CATSPERD: variants seen among roughly 807,000 people sequenced by gnomAD.
CATSPERD encodes catsper channel auxiliary subunit delta.
Under a neutral mutation model 98.1 loss-of-function variants are expected in CATSPERD, and 86 were observed. The ratio of observed to expected loss-of-function variants is 0.88; its 90% confidence interval spans 0.74 to 1.05. CATSPERD has a LOEUF of 1.05. CATSPERD is among the 50% of genes least tolerant of loss of function. The probability of loss-of-function intolerance (pLI) is 0.00; values close to 1 mark genes in which losing one functional copy is unlikely to be tolerated. For synonymous variants in CATSPERD, 394 were observed against 390.2 expected (o/e 1.01, Z -0.12); for missense variants, 995 against 1,005.7 (o/e 0.99, Z 0.14).
At chr19:5,722,382 A>G (rs887683349) in intron 1 of CATSPERD, among the ~76,000 whole-genome samples, 2 of 152,126 alleles carry the variant, frequency 1.3e-5, no homozygotes, top group African/African-American at 4.8e-5. Context: ...CGGCCTCCCA[A>G]CGTGCTGGGC....
intron 9 of CATSPERD, 93 bp downstream of exon 9, chr19:5,746,156 C>A: frequency 7.5e-7 from 1 of 1,324,504 alleles, no homozygotes; most frequent in Non-Finnish European, 1.1e-6. Context: ...AAGGAGCAAC[C>A]CCTCGACCAC....
chr19:5,742,325 T>C (rs1386065287), intron 7 of CATSPERD, among the ~76,000 whole-genome samples: 2 of 123,960 alleles, frequency 1.6e-5, no homozygotes, highest in Non-Finnish European at 3.8e-5. Context: ...TGGGTGTGCG[T>C]GTGCATGTGT....
rs527796326 is a variant in CATSPERD at position 5,748,728 on chromosome 19, CTTTTTT to C, written c.905-358_905-353del. Among the ~76,000 whole-genome samples the C allele has an allele frequency of 1.1e-4, 10 of 94,106 alleles. 1 individual carries two copies. The highest frequency in any genetic ancestry group is 3.8e-4 in the African/African-American group (9 of 23,492). 61.7% of individuals were successfully genotyped at this position (94,106 alleles called of 152,430 possible). A position where few individuals can be genotyped will look rare whatever the true frequency, so the allele number is the denominator to read the frequency against. ...ACCAGAAAATAGCTGTCATATTATTCTTTTTTTTTTTTTTTTTTTTGAGATGGAGTT... is the reference window on the plus strand; with the variant it reads ...ACCAGAAAATAGCTGTCATATTATTCTTTTTTTTTTTTTTGAGATGGAGTT... On this transcript the variant is annotated intron_variant, in intron 10 of 21. Transcript: ENST00000381624.
At chr19:5,736,061 G>T (rs891177475) in intron 5 of CATSPERD, among the ~76,000 whole-genome samples, 2 of 151,842 alleles carry the variant, frequency 1.3e-5, no homozygotes, top group African/African-American at 4.8e-5. Context: ...ACAGGCATAA[G>T]CCACTGTGCC....
chr19:5,767,308 C>G (rs1458097679), intron 17 of CATSPERD, among the ~76,000 whole-genome samples: 1 of 81,212 alleles, frequency 1.2e-5, no homozygotes, highest in East Asian at 3.5e-4. Context: ...CAGAGCGAGA[C>G]TCTGTCTCAA....
At chr19:5,749,031 C>T in intron 10 of CATSPERD, 70 bp from the exon 11 acceptor site, 2 of 1,369,386 alleles carry the variant, frequency 1.5e-6, no homozygotes, top group Non-Finnish European at 2.1e-6. Flanking sequence ...CACCCAACCA[C>T]ACTTATGTTT....
intron 7 of CATSPERD, among the ~76,000 whole-genome samples, chr19:5,742,230 G>A (rs976833348): frequency 2.0e-4 from 30 of 151,188 alleles, no homozygotes; most frequent in Middle Eastern, 3.5e-3. Context: ...ATGTGTGTGC[G>A]TGTGTGTACG....
At chr19:5,768,129 G>C (rs899794274) in intron 17 of CATSPERD, 39 bp from the exon 18 acceptor site, 2 of 1,583,756 alleles carry the variant, frequency 1.3e-6, no homozygotes, top group Non-Finnish European at 1.7e-6. Flanking sequence ...GGTTCTTTGT[G>C]AGGTCATGCC....
At chr19:5,763,716 C>A (rs952426061) in intron 16 of CATSPERD, among the ~76,000 whole-genome samples, 2 of 151,670 alleles carry the variant, frequency 1.3e-5, no homozygotes, top group Admixed American at 6.6e-5. Flanking sequence ...AACTTTTGAT[C>A]TTGGATGATC....
chr19:5,743,363 C>T (rs1303593207), intron 7 of CATSPERD, among the ~76,000 whole-genome samples: 1 of 151,124 alleles, frequency 6.6e-6, no homozygotes, highest in Non-Finnish European at 1.5e-5. Flanking sequence ...TTTGGGAGGC[C>T]GAGGTGGGCG....
chr19:5,743,260 AC>A (rs2056023909), intron 7 of CATSPERD, among the ~76,000 whole-genome samples: 1 of 151,550 alleles, frequency 6.6e-6, no homozygotes, highest in Non-Finnish European at 1.5e-5. Context: ...CTGAGATCAC[AC>A]CATTGCACTC....
Position 5,772,798 on chromosome 19 carries a change from G to T in CATSPERD, c.1774G>T (p.Asp592Tyr). The T allele has an allele frequency of 1.2e-6, 2 of 1,613,760 alleles. No homozygotes were observed. Among genetic ancestry groups the T allele is most frequent in the Middle Eastern group, 1.7e-4 (1 of 6,056 alleles). Residue 592 changes from aspartate (D) to tyrosine (Y), a missense_variant, in exon 20 of 22, where the codon GAC (aspartate) becomes TAC (tyrosine). Around this residue, in one of 3 missense-constraint regions of CATSPERD, gnomAD observed 762 missense variants for 773.7 expected, o/e 0.98. Transcript: ENST00000381624. ...WKPVVELWRK[D>Y]SFQEVIDAEY... is the part of the protein sequence containing the mutation. ...GTGCCTGTGTCCTAGGTGGCGAAAA[G>T]ACAGTTTCCAGGAGGTCATCGACGC...
Position 5,758,064 on chromosome 19 carries a change from T to C in CATSPERD, c.1368+132T>C, listed in dbSNP as rs2056360845. On this transcript the variant is annotated intron_variant, in intron 14 of 21. Transcript: ENST00000381624. Reference sequence around the variant, plus strand: ...GTGGCCGTGCCCCGCGGTGGGAAGATGATCAGGCAGCCGTCAACCACACGC... The same window carrying C: ...GTGGCCGTGCCCCGCGGTGGGAAGACGATCAGGCAGCCGTCAACCACACGC... 8.9e-6 allele frequency: 6 copies of C among 671,704 alleles called. No individual in the cohort carries two copies. In the East Asian group the frequency reaches 1.8e-4, roughly 21 times the overall value. 41.6% of individuals were successfully genotyped at this position (671,704 alleles called of 1,614,324 possible). A position where few individuals can be genotyped will look rare whatever the true frequency, so the allele number is the denominator to read the frequency against.
At chr19:5,763,705 G>A (rs2056484852) in intron 16 of CATSPERD, among the ~76,000 whole-genome samples, 2 of 151,966 alleles carry the variant, frequency 1.3e-5, no homozygotes, top group Admixed American at 1.3e-4. Context: ...GGCTGGTCTT[G>A]AACTTTTGAT....
At position 5,773,582 on chromosome 19, in the gene CATSPERD, G is replaced by A. The variant is rs142804763; in HGVS notation, c.1941+617G>A. Among the ~76,000 whole-genome samples the A allele has an allele frequency of 1.9e-3, 284 of 152,098 alleles. 1 individual carries two copies. The highest frequency in any genetic ancestry group is 6.7e-3 in the African/African-American group (276 of 41,468). ...TCTGTCTCCCAGGCTGGAGTGCAGT[G>A]GTGCAATCTCAGCTCACTGAAGACT... is the stretch of plus-strand genomic sequence containing the variant. On this transcript the variant is annotated intron_variant, in intron 20 of 21. Transcript: ENST00000381624.
chr19:5,768,235 A>G lies in CATSPERD; in HGVS notation c.1627A>G (p.Ile543Val). 6.2e-7 allele frequency: 1 copy of G among 1,612,956 alleles called. No individual in the cohort carries two copies. Among genetic ancestry groups the G allele is most frequent in the Non-Finnish European group, 8.5e-7 (1 of 1,179,174 alleles). ...LTLQDNYSFIIEKEFYDPGFQ... is the reference protein window; with the variant it reads ...LTLQDNYSFIVEKEFYDPGFQ... The stretch of plus-strand genomic sequence containing the variant: ...CCTGCAAGACAATTACAGCTTCATC[A>G]TCGAGAAGTAAGCCAGCGTCCCCCC... The change falls in exon 18 of 22, where the codon ATC becomes GTC. Residue 543 changes from isoleucine (I) to valine (V), a missense_variant. Physicochemically the swap from Ile to Val is conservative, Grantham distance 29. Around this residue, in one of 3 missense-constraint regions of CATSPERD, gnomAD observed 762 missense variants for 773.7 expected, o/e 0.98. Transcript: ENST00000381624.
In CATSPERD at chr19:5,759,114, G is replaced by A; in HGVS notation, c.1397G>A (p.Trp466Ter). The A allele has an allele frequency of 6.2e-7, 1 of 1,613,808 alleles. No individual in the cohort carries two copies. Among genetic ancestry groups the A allele is most frequent in the African/African-American group, 1.3e-5 (1 of 74,976 alleles). Residue 466 changes from tryptophan to a stop codon, truncating the protein, a stop_gained, in exon 15 of 22, where the codon TGG becomes TAG. Transcript: ENST00000381624. LOFTEE classifies it high-confidence loss of function. The part of the protein sequence containing the change: ...LDIFLKQQQH[W>*]GRTDSNFTSS... ...ATTTTCCTAAAACAGCAGCAGCACT[G>A]GGGCAGGACCGACTCCAACTTCACT...
chr19:5,745,833 ACTC>A (rs2056082081), intron 8 of CATSPERD, 77 bp from the exon 9 acceptor site: 1 of 1,434,216 alleles, frequency 7.0e-7, no homozygotes, highest in African/African-American at 1.4e-5. Flanking sequence ...TGCTAGCCAG[ACTC>A]CTCTTCCCTC....
chr19:5,762,058 A>ATATATATATATATATATATATATATTTTT, intron 15 of CATSPERD, among the ~76,000 whole-genome samples: 1 of 10,436 alleles, frequency 9.6e-5, no homozygotes, highest in Non-Finnish European at 1.8e-4. Context: ...ATATATATAT[A>ATATATATATATATATATATATATATTTTT]TTTTTTTTTT....
Sources: gnomAD v4.1 joint callset for allele counts (sites outside exome capture counted in the v4.1 genomes callset) on GRCh38, gnomAD v4.1.1 for gene constraint, gnomAD v4.1.1 regional missense constraint, MANE v1.5 for transcripts, NCBI Gene and HGNC (gene_info 2026-07-23, HGNC 2026-07-21) for gene names.